Variants in SPOP observed in about 807,000 individuals in gnomAD.
The protein encoded by SPOP is speckle type BTB/POZ protein.
In SPOP, 11 loss-of-function variants were observed where a neutral mutation model predicts 45.6. The ratio of observed to expected loss-of-function variants is 0.24; its 90% CI spans 0.15 to 0.40. SPOP has a LOEUF of 0.40. Among genes scored for constraint, SPOP ranks in the 10% least tolerant of loss-of-function variants. The pLI is 1.00. For missense variants in SPOP, 152 were observed against 465.6 expected (o/e 0.33, Z 6.20); for synonymous variants, 166 against 166.3 (o/e 1.00, Z 0.01).
intron 2 of SPOP, 164 bp from the exon 3 acceptor site, chr17:49,622,231 G>T: frequency 3.5e-6 from 3 of 850,906 alleles, no homozygotes; most frequent in Non-Finnish European, 5.7e-6. Flanking sequence ...CACATTTTAA[G>T]AAATCTCACA....
chr17:49,671,294 G>A (rs1410447939), intron 1 of SPOP, among the ~76,000 whole-genome samples: 1 of 151,532 alleles, frequency 6.6e-6, no homozygotes, highest in Non-Finnish European at 1.5e-5. Context: ...ACCTGTTAGA[G>A]GTTGGTGCAA....
At chr17:49,661,119 A>G (rs2072981972) in intron 1 of SPOP, among the ~76,000 whole-genome samples, 1 of 152,230 alleles carries the variant, frequency 6.6e-6, no homozygotes, top group Non-Finnish European at 1.5e-5. Flanking sequence ...TGCCTCACTT[A>G]TATGGCACAC....
Position 49,600,310 on chromosome 17 carries a change from G to A in SPOP, c.*68C>T. 6.3e-7 allele frequency: 1 copy of A among 1,598,562 alleles called. No homozygotes were observed. Among genetic ancestry groups the A allele is most frequent in the African/African-American group, 1.3e-5 (1 of 74,688 alleles). On this transcript the variant is annotated 3_prime_UTR_variant, in exon 10 of 10. Transcript: ENST00000504102. This position sits in a 1 kb window ranked among gnomAD's most constrained non-coding sequence, Gnocchi z 4.2. ...CTCCACAGATTGCGCTGTCTACCTG[G>A]TGGTCAGTGGCAGCAACAGTGGCTG...
At chr17:49,633,336 A>C (rs1471634436) in intron 1 of SPOP, among the ~76,000 whole-genome samples, 1 of 152,158 alleles carries the variant, frequency 6.6e-6, no homozygotes, top group Non-Finnish European at 1.5e-5. Flanking sequence ...TCAAGTCACT[A>C]AACCCAATAG....
In SPOP at chr17:49,600,725, C is replaced by A. The variant is rs1425048874; in HGVS notation, c.981-203G>T. On this transcript the variant is annotated intron_variant, in intron 9 of 9. Coordinates refer to ENST00000504102, the MANE Select transcript of SPOP (RefSeq NM_001007228.2). This position sits in a 1 kb window ranked among gnomAD's most constrained non-coding sequence, Gnocchi z 4.2. ...GCCTGTGGCTGTCGTCATCTGAAAA[C>A]CAAGACTTTGAGCCACTATATTCTC... 1 of 585,806 alleles carries A rather than the reference C, an allele frequency of 1.7e-6. No individual in the cohort carries two copies. Among genetic ancestry groups the A allele is most frequent in the Non-Finnish European group, 3.0e-6 (1 of 334,236 alleles). 36.3% of individuals were successfully genotyped at this position (585,806 alleles called of 1,614,324 possible). A position where few individuals can be genotyped will look rare whatever the true frequency, so the allele number is the denominator to read the frequency against.
chr17:49,600,267 CT>C lies in SPOP; in HGVS notation c.*110del. 1 of 1,446,494 alleles carries C rather than the reference CT, an allele frequency of 6.9e-7. No homozygotes were observed. The highest frequency in any genetic ancestry group is 1.2e-5 in the South Asian group (1 of 80,988). 89.6% of individuals were successfully genotyped at this position (1,446,494 alleles called of 1,614,324 possible). ...TGGGGCCACAATGCAGTCTCTTCCC[CT>C]CACAACAGAGTAAAAGCTCCACAGA... is the stretch of plus-strand genomic sequence containing the variant. On this transcript the variant is annotated 3_prime_UTR_variant, in exon 10 of 10. Coordinates refer to ENST00000504102, the MANE Select transcript of SPOP (RefSeq NM_001007228.2). The surrounding 1 kb of genome is among the most constrained non-coding windows in gnomAD (Gnocchi z 4.2).
intron 1 of SPOP, among the ~76,000 whole-genome samples, chr17:49,653,069 G>T (rs1162073608): frequency 6.6e-6 from 1 of 152,112 alleles, no homozygotes; most frequent in Non-Finnish European, 1.5e-5. Context: ...CAGGCTTGAA[G>T]ATACTTTCCT....
rs2071710793 is a variant in SPOP, at chr17:49,600,021, T to G, written c.*357A>C. ...ATGTCCTTTCTTTTTTTTTTTTCCT[T>G]TTTGCTCCAGGCACCTGACGATTTG... On this transcript the variant is annotated 3_prime_UTR_variant, in exon 10 of 10. Transcript: ENST00000504102. The surrounding 1 kb of genome is among the most constrained non-coding windows in gnomAD (Gnocchi z 4.2). The G allele has an allele frequency of 4.0e-6, 1 of 249,218 alleles. No individual in the cohort carries two copies. Among genetic ancestry groups the G allele is most frequent in the Non-Finnish European group, 7.7e-6 (1 of 129,596 alleles). The allele number at this position is 249,218 out of a possible 1,614,324, so 15.4% of individuals were successfully genotyped here. A position where few individuals can be genotyped will look rare whatever the true frequency, so the allele number is the denominator to read the frequency against.
chr17:49,660,079 C>T (rs1416953344), intron 1 of SPOP, among the ~76,000 whole-genome samples: 1 of 152,176 alleles, frequency 6.6e-6, no homozygotes, highest in East Asian at 1.9e-4. Flanking sequence ...GCAGCCCAGG[C>T]ACCAGGAGTA....
chr17:49,655,489 C>T (rs749810240), intron 1 of SPOP, among the ~76,000 whole-genome samples: 13 of 151,056 alleles, frequency 8.6e-5, no homozygotes, highest in African/African-American at 3.2e-4. Context: ...CCAACCTGGG[C>T]GACAGAGCGA....
At chr17:49,668,821 G>T (rs1449307678) in intron 1 of SPOP, among the ~76,000 whole-genome samples, 1 of 144,086 alleles carries the variant, frequency 6.9e-6, no homozygotes, top group African/African-American at 2.6e-5. Flanking sequence ...TTGTCACCCA[G>T]ACTGGAGTGC....
intron 1 of SPOP, among the ~76,000 whole-genome samples, chr17:49,656,023 G>T (rs1246352453): frequency 6.6e-6 from 1 of 152,024 alleles, no homozygotes; most frequent in African/African-American, 2.4e-5. Flanking sequence ...TGTTGGTCAG[G>T]CTGGTCTCGA....
intron 1 of SPOP, among the ~76,000 whole-genome samples, chr17:49,625,025 T>G (rs966187384): frequency 6.6e-6 from 1 of 152,102 alleles, no homozygotes; most frequent in African/African-American, 2.4e-5. Context: ...AAGTGTAGAG[T>G]GCACCACAAT....
At chr17:49,609,486 G>A (rs977677728) in intron 6 of SPOP, among the ~76,000 whole-genome samples, 2 of 149,254 alleles carry the variant, frequency 1.3e-5, no homozygotes, top group Non-Finnish European at 3.0e-5. Flanking sequence ...CACTCAGGGA[G>A]AAGAAGTGGA....
At chr17:49,646,915 G>A (rs1265419815) in intron 1 of SPOP, among the ~76,000 whole-genome samples, 1 of 152,024 alleles carries the variant, frequency 6.6e-6, no homozygotes, top group Non-Finnish European at 1.5e-5. Flanking sequence ...ATGTAGAAAT[G>A]GAAAAAATAC....
chr17:49,644,153 C>T (rs547666697), intron 1 of SPOP, among the ~76,000 whole-genome samples: 1 of 152,104 alleles, frequency 6.6e-6, no homozygotes, highest in East Asian at 1.9e-4. Flanking sequence ...ATCACATGAG[C>T]TCAGGAGTTC....
intron 7 of SPOP, 75 bp downstream of exon 7, chr17:49,607,799 A>G (rs966589663): frequency 1.4e-6 from 2 of 1,380,024 alleles, no homozygotes; most frequent in Non-Finnish European, 2.0e-6. Context: ...AGGAAAATGA[A>G]TCTGCAGCTA....
At chr17:49,642,928 T>G (rs377086235) in intron 1 of SPOP, among the ~76,000 whole-genome samples, 1 of 152,278 alleles carries the variant, frequency 6.6e-6, no homozygotes, top group Admixed American at 6.5e-5. Flanking sequence ...TATGTTAAAG[T>G]TGGCGTAAGC....
chr17:49,650,504 C>G (rs1390897563), intron 1 of SPOP, among the ~76,000 whole-genome samples: 1 of 152,048 alleles, frequency 6.6e-6, no homozygotes, highest in Admixed American at 6.6e-5. Context: ...CCCTTGAAAC[C>G]GGGAGGTGGA....
Sources: gnomAD v4.1 joint callset for allele counts (sites outside exome capture counted in the v4.1 genomes callset) on GRCh38, gnomAD v4.1.1 for gene constraint, Gnocchi (gnomAD v3.1) non-coding constraint, MANE v1.5 for transcripts, NCBI Gene and HGNC (gene_info 2026-07-23, HGNC 2026-07-21) for gene names.